Variants in GOLGA4 observed in about 807,000 individuals in gnomAD.
GOLGA4 encodes golgin A4.
GOLGA4 carries 169 observed loss-of-function variants against 265.9 expected under a neutral mutation model. The ratio of observed to expected loss-of-function variants is 0.64; its 90% CI spans 0.56 to 0.72. GOLGA4 has a LOEUF of 0.72. Ranked by LOEUF, GOLGA4 falls within the 30% of genes least tolerant of loss-of-function variation. The pLI is 0.00. For missense variants in GOLGA4, 2,482 were observed against 2,483.4 expected (o/e 1.00, Z 0.01); for synonymous variants, 923 against 855.8 (o/e 1.08, Z -1.37).
rs1174115382 is a variant in GOLGA4 at position 37,296,102 on chromosome 3, C to A, written c.697C>A (p.Gln233Lys). The A allele has an allele frequency of 6.2e-7, 1 of 1,613,642 alleles. No homozygotes were observed. The highest frequency in any genetic ancestry group is 8.5e-7 in the Non-Finnish European group (1 of 1,179,710). ...TTTATATTAGGTTTCTCTACTGAAA[C>A]AACGATTACGAAATGGCCCGATGAA... ...VLQTQVSLLKQRLRNGPMNVD... is the reference protein window; with the variant it reads ...VLQTQVSLLKKRLRNGPMNVD... The change falls in exon 7 of 24, where the codon CAA (glutamine) becomes AAA (lysine). Residue 233 changes from glutamine (Q) to lysine (K), a missense_variant. By Grantham distance (53) the Gln-to-Lys change is moderately conservative (BLOSUM62 1). Coordinates refer to ENST00000361924, the MANE Select transcript of GOLGA4 (RefSeq NM_002078.5).
chr3:37,340,172 G>A lies in GOLGA4; in HGVS notation c.6445G>A (p.Ala2149Thr). The A allele has an allele frequency of 7.0e-7, 1 of 1,430,716 alleles. No homozygotes were observed. The highest frequency in any genetic ancestry group is 9.7e-7 in the Non-Finnish European group (1 of 1,029,594). 88.6% of individuals were successfully genotyped at this position (1,430,716 alleles called of 1,614,324 possible). A position where few individuals can be genotyped will look rare whatever the true frequency, so the allele number is the denominator to read the frequency against. Residue 2149 changes from alanine (A) to threonine (T), a missense_variant, in exon 20 of 24, where the codon GCA (alanine) becomes ACA (threonine). Ala to Thr is a moderately conservative substitution (Grantham distance 58). Coordinates refer to ENST00000361924, the MANE Select transcript of GOLGA4 (RefSeq NM_002078.5). ...GAAGAAATATGAAAAGAATGTATATGCAACAACTGTGGGGACACCTTACAA... is the reference window on the plus strand; with the variant it reads ...GAAGAAATATGAAAAGAATGTATATACAACAACTGTGGGGACACCTTACAA... ...RLKKYEKNVYATTVGTPYKGG... is the reference protein window; with the variant it reads ...RLKKYEKNVYTTTVGTPYKGG...
chr3:37,271,326 C>T (rs1472671601), intron 2 of GOLGA4, among the ~76,000 whole-genome samples: 1 of 152,110 alleles, frequency 6.6e-6, no homozygotes. Context: ...GCCATGTAGG[C>T]AACTGGAAGA....
At chr3:37,257,302 G>A (rs1385377697) in intron 2 of GOLGA4, among the ~76,000 whole-genome samples, 2 of 151,998 alleles carry the variant, frequency 1.3e-5, no homozygotes, top group Non-Finnish European at 2.9e-5. Context: ...AAAAATCTAT[G>A]TACTGTATTA....
chr3:37,294,599 C>T (rs979492676), intron 5 of GOLGA4, among the ~76,000 whole-genome samples: 2 of 152,096 alleles, frequency 1.3e-5, no homozygotes, highest in Non-Finnish European at 2.9e-5. Context: ...GTTGGCCAGG[C>T]TGGTCTCGAA....
intron 16 of GOLGA4, among the ~76,000 whole-genome samples, chr3:37,333,017 TCTC>T (rs1427736542): frequency 6.6e-6 from 1 of 152,230 alleles, no homozygotes; most frequent in Non-Finnish European, 1.5e-5. Context: ...ATTTTGTTCT[TCTC>T]TAGTCGTGAG....
At chr3:37,294,247 T>C (rs995569734) in intron 5 of GOLGA4, among the ~76,000 whole-genome samples, 6 of 152,186 alleles carry the variant, frequency 3.9e-5, no homozygotes, top group Non-Finnish European at 7.3e-5. Context: ...GTTTCGACTA[T>C]CAGACACTTT....
intron 1 of GOLGA4, among the ~76,000 whole-genome samples, chr3:37,248,749 A>G (rs900032994): frequency 1.3e-5 from 2 of 152,114 alleles, no homozygotes; most frequent in African/African-American, 4.8e-5. Context: ...GTTTCTCCAG[A>G]GCTGATGAGG....
At chr3:37,346,486 G>A (rs892636603) in intron 20 of GOLGA4, among the ~76,000 whole-genome samples, 4 of 152,108 alleles carry the variant, frequency 2.6e-5, no homozygotes, top group Non-Finnish European at 4.4e-5. Flanking sequence ...TCTAATGTGT[G>A]AAGCTATAAT....
At chr3:37,248,714 A>G (rs1237458944) in intron 1 of GOLGA4, among the ~76,000 whole-genome samples, 1 of 151,544 alleles carries the variant, frequency 6.6e-6, no homozygotes, top group East Asian at 1.9e-4. Flanking sequence ...AACTTTGTAA[A>G]CCCCGTTATT....
intron 8 of GOLGA4, 103 bp from the exon 9 acceptor site, chr3:37,299,185 C>A: frequency 1.1e-6 from 1 of 928,222 alleles, no homozygotes. Context: ...GTACTTTTTT[C>A]CTTCTGCACT....
Position 37,340,244 on chromosome 3 carries a change from G to T in GOLGA4, c.6472+45G>T, listed in dbSNP as rs377455720. 14 of 695,422 alleles carry T rather than the reference G, an allele frequency of 2.0e-5. No individual in the cohort carries two copies. In the African/African-American group the frequency reaches 2.2e-4, roughly 11 times the overall value. The allele number at this position is 695,422 out of a possible 1,614,324, so 43.1% of individuals were successfully genotyped here. A position where few individuals can be genotyped will look rare whatever the true frequency, so the allele number is the denominator to read the frequency against. ...ATGTTATTAACTGTTATCTTTTATT[G>T]GTGGATTTGTGCATGATTTTTATTT... On this transcript the variant is annotated intron_variant, in intron 20 of 23. Transcript: ENST00000361924.
intron 10 of GOLGA4, among the ~76,000 whole-genome samples, chr3:37,309,326 C>T (rs1208382873): frequency 5.3e-5 from 8 of 151,306 alleles, no homozygotes; most frequent in African/African-American, 1.5e-4. Flanking sequence ...GAGGCCGAGG[C>T]GGGCGGATTA....
In GOLGA4 at chr3:37,318,026, A is replaced by T. The variant is rs186335681; in HGVS notation, c.1414-1037A>T. ...TCGGTCCTGAGATCAGTTTTTAAAA[A>T]TTTGATTTTTTCTTCTGGCACTTTT... On this transcript the variant is annotated intron_variant, in intron 11 of 23. Coordinates refer to ENST00000361924, the MANE Select transcript of GOLGA4 (RefSeq NM_002078.5). Among the ~76,000 whole-genome samples the T allele has an allele frequency of 4.0e-5, 6 of 151,614 alleles. No homozygotes were observed. In the East Asian group the frequency reaches 1.2e-3, roughly 29 times the overall value.
In GOLGA4 at chr3:37,362,780, C is replaced by CTTT. The variant is rs71094906; in HGVS notation, c.*33+1493_*33+1495dup. 2.9e-3 allele frequency among the ~76,000 whole-genome samples: 221 copies of CTTT among 75,446 alleles called. 28 individuals are homozygous for CTTT. Among genetic ancestry groups the CTTT allele is most frequent in the African/African-American group, 7.9e-3 (153 of 19,478 alleles). The allele number at this position is 75,446 out of a possible 152,430, so 49.5% of individuals were successfully genotyped here. On this transcript the variant is annotated intron_variant, in intron 23 of 23. Transcript: ENST00000361924. ...CGATCTTCCTACCTCAGCCTCTAAG[C>CTTT]TTTTTTTTTTTTTTTTTTTTGAGAC... is the stretch of plus-strand genomic sequence containing the variant.
chr3:37,244,797 G>T (rs898637229), intron 1 of GOLGA4, among the ~76,000 whole-genome samples: 6 of 152,224 alleles, frequency 3.9e-5, no homozygotes, highest in Non-Finnish European at 8.8e-5. Flanking sequence ...TTTCTCAAGT[G>T]CAAATGGTAA....
rs1401683068 is a variant in GOLGA4, at chr3:37,282,228, A to G, written c.433A>G (p.Arg145Gly). 5 of 1,614,216 alleles carry G rather than the reference A, an allele frequency of 3.1e-6. No homozygotes were observed. The highest frequency in any genetic ancestry group is 3.4e-6 in the Non-Finnish European group (4 of 1,180,030). Residue 145 changes from arginine to glycine, a missense_variant, in exon 3 of 24, where the codon AGA (arginine) becomes GGA (glycine). Coordinates refer to ENST00000361924, the MANE Select transcript of GOLGA4 (RefSeq NM_002078.5). The part of the protein sequence containing the change: ...NKEQLIQRLR[R>G]MERSLSSYRG... ...AGAACAGTTGATTCAGCGGTTGCGAAGAATGGAACGAAGCTTAAGTAGCTA... is the reference window on the plus strand; with the variant it reads ...AGAACAGTTGATTCAGCGGTTGCGAGGAATGGAACGAAGCTTAAGTAGCTA...
At chr3:37,259,600 TG>T (rs1340023141) in intron 2 of GOLGA4, among the ~76,000 whole-genome samples, 1 of 152,236 alleles carries the variant, frequency 6.6e-6, no homozygotes, top group African/African-American at 2.4e-5. Flanking sequence ...TCAATTTTGT[TG>T]ATCTTTTGAA....
chr3:37,349,846 C>T (rs1214764089), intron 21 of GOLGA4, among the ~76,000 whole-genome samples: 6 of 152,126 alleles, frequency 3.9e-5, no homozygotes, highest in African/African-American at 1.2e-4. Context: ...TGTGTTTCTT[C>T]GTCTGCTTTT....
chr3:37,352,305 C>T (rs560155976), intron 21 of GOLGA4, among the ~76,000 whole-genome samples: 1 of 152,120 alleles, frequency 6.6e-6, no homozygotes, highest in Admixed American at 6.5e-5. Flanking sequence ...GTAAACACAT[C>T]CTTCTTCACA....
Sources: gnomAD v4.1 joint callset for allele counts (sites outside exome capture counted in the v4.1 genomes callset) on GRCh38, gnomAD v4.1.1 for gene constraint, MANE v1.5 for transcripts, NCBI Gene and HGNC (gene_info 2026-07-23, HGNC 2026-07-21) for gene names.